Variants in SZT2 observed in about 807,000 individuals in gnomAD.
The protein encoded by SZT2 is KICSTOR complex protein SZT2.
Under a neutral mutation model 404.2 loss-of-function variants are expected in SZT2, and 216 were observed. The observed-to-expected ratio is 0.53, with a 90% confidence interval of 0.48 to 0.60. SZT2 has a LOEUF of 0.60. Ranked by LOEUF, SZT2 falls within the 20% of genes least tolerant of loss-of-function variation. The pLI is 0.00. For synonymous variants in SZT2, 1,693 were observed against 1,749.9 expected, an observed-to-expected ratio of 0.97 and a Z score of 0.81; for missense variants, 3,857 against 4,459.2, an observed-to-expected ratio of 0.86 and a Z score of 3.85.
rs546639047 is a variant in SZT2, at chr1:43,389,947, G to C, written c.-22G>C. The C allele has an allele frequency of 6.8e-7, 1 of 1,464,146 alleles. No individual in the cohort carries two copies. Among genetic ancestry groups the C allele is most frequent in the Admixed American group, 2.4e-5 (1 of 41,048 alleles). The allele number at this position is 1,464,146 out of a possible 1,614,324, so 90.7% of individuals were successfully genotyped here. ...GAGTGGAACACCCTCACTGGCCCGG[G>C]CCGGCGCGGGAGGGCTGTGTGATGG... On this transcript the variant is annotated 5_prime_UTR_variant, in exon 1 of 72. Transcript: ENST00000634258.
chr1:43,403,418 G>A lies in SZT2; in HGVS notation c.153+116G>A, dbSNP rs1649920149. Reference sequence around the variant, plus strand: ...AACTCTTAAGTCTGGTTAGGGCAAGGGACTGCCTACAAGATGATGGAAATT... The same window carrying A: ...AACTCTTAAGTCTGGTTAGGGCAAGAGACTGCCTACAAGATGATGGAAATT... On this transcript the variant is annotated intron_variant, in intron 2 of 71. Coordinates refer to ENST00000634258, the MANE Select transcript of SZT2 (RefSeq NM_001365999.1). 2.1e-6 allele frequency: 3 copies of A among 1,461,172 alleles called. No individual in the cohort carries two copies. In the South Asian group the frequency reaches 4.0e-5, roughly 20 times the overall value. 90.5% of individuals were successfully genotyped at this position (1,461,172 alleles called of 1,614,324 possible).
chr1:43,423,294 C>A lies in SZT2; in HGVS notation c.2233C>A (p.Pro745Thr). ...GCCCTGCCTTGTGGTCCTGCATAAG[C>A]CACTGGACAAACTGCTCATCAGGTT... ...DRPCLVVLHKPLDKLLIRYEK... is the reference protein window; with the variant it reads ...DRPCLVVLHKTLDKLLIRYEK... The change falls in exon 15 of 72, where the codon CCA (proline) becomes ACA (threonine). Residue 745 changes from proline to threonine, a missense_variant. Pro to Thr is a conservative substitution (Grantham distance 38). Coordinates refer to ENST00000634258, the MANE Select transcript of SZT2 (RefSeq NM_001365999.1). 6.5e-7 allele frequency: 1 copy of A among 1,545,500 alleles called. No individual in the cohort carries two copies.
In SZT2 at chr1:43,433,187, C is replaced by T. The variant is rs1245148074; in HGVS notation, c.5801C>T (p.Ala1934Val). 6.2e-7 allele frequency: 1 copy of T among 1,613,268 alleles called. No homozygotes were observed. Among genetic ancestry groups the T allele is most frequent in the Non-Finnish European group, 8.5e-7 (1 of 1,179,960 alleles). ...GACCGTGTGGAAGTGTATGCACATG[C>T]ACGGTAAGTAGAAGCCAGGGCCTGC... ...LQDRVEVYAHARSLIREDGGP... is the reference protein window; with the variant it reads ...LQDRVEVYAHVRSLIREDGGP... Residue 1934 changes from alanine to valine, a missense_variant, in exon 40 of 72, where the codon GCA becomes GTA. By Grantham distance (64) the Ala-to-Val change is moderately conservative. Transcript: ENST00000634258.
intron 4 of SZT2, among the ~76,000 whole-genome samples, chr1:43,407,110 A>G (rs545402577): frequency 1.3e-5 from 2 of 152,306 alleles, no homozygotes; most frequent in East Asian, 1.9e-4. Context: ...AAGCCTGAAT[A>G]AGGACAGCAG....
chr1:43,394,299 C>T (rs1006521339), intron 1 of SZT2, among the ~76,000 whole-genome samples: 1 of 150,442 alleles, frequency 6.6e-6, no homozygotes, highest in Non-Finnish European at 1.5e-5. Flanking sequence ...ACCTCCACCT[C>T]TCAGGTTCAA....
Position 43,427,302 on chromosome 1 carries a change from G to A in SZT2, c.3455G>A (p.Cys1152Tyr), listed in dbSNP as rs142811548. Reference sequence around the variant, plus strand: ...TCAGATGTCCAGCGTCTGGCTGCCTGTGGCCTGGAGGGACCCCCTCAAGAG... The same window carrying A: ...TCAGATGTCCAGCGTCTGGCTGCCTATGGCCTGGAGGGACCCCCTCAAGAG... ...TFSDVQRLAA[C>Y]GLEGPPQEET... Residue 1152 changes from cysteine to tyrosine, a missense_variant, in exon 25 of 72, where the codon TGT becomes TAT. This residue lies in a region of SZT2 where 1,725 missense variants were observed against 1,881.0 expected (regional missense o/e 0.92). Transcript: ENST00000634258. The A allele has an allele frequency of 1.2e-6, 2 of 1,611,246 alleles. No individual in the cohort carries two copies. The highest frequency in any genetic ancestry group is 2.7e-5 in the African/African-American group (2 of 74,936).
Position 43,443,746 on chromosome 1 carries a change from G to A in SZT2, c.8775G>A (p.Gln2925=), listed in dbSNP as rs762236975. The A allele has an allele frequency of 6.2e-7, 1 of 1,614,188 alleles. No individual in the cohort carries two copies. The highest frequency in any genetic ancestry group is 8.5e-7 in the Non-Finnish European group (1 of 1,180,038). ...AFLQQYVQYL[Q]SIGFVLVPLR... ...TGCAGCAATATGTGCAGTATCTGCA[G>A]AGCATAGGTTTTGTGCTGGTACCAC... The change falls in exon 62 of 72, where the codon CAG becomes CAA. Residue 2925 remains glutamine (Q), a synonymous_variant. Transcript: ENST00000634258.
intron 6 of SZT2, 87 bp from the exon 7 acceptor site, chr1:43,416,448 C>A: frequency 9.5e-7 from 1 of 1,050,196 alleles, no homozygotes; most frequent in South Asian, 1.4e-5. Flanking sequence ...AGACACTGAG[C>A]CGTTCAGGAC....
In SZT2 at chr1:43,441,074, C is replaced by G; in HGVS notation, c.7345-140C>G. 1.9e-6 allele frequency: 2 copies of G among 1,060,058 alleles called. No individual in the cohort carries two copies. Among genetic ancestry groups the G allele is most frequent in the Non-Finnish European group, 2.7e-6 (2 of 727,610 alleles). 65.7% of individuals were successfully genotyped at this position (1,060,058 alleles called of 1,614,324 possible). ...GGAAAGTTAGGTAACCTGCCCAAGGCTCCTTAGCCAGCCCCTGGGGAAGCC... is the reference window on the plus strand; with the variant it reads ...GGAAAGTTAGGTAACCTGCCCAAGGGTCCTTAGCCAGCCCCTGGGGAAGCC... On this transcript the variant is annotated intron_variant, in intron 52 of 71. Transcript: ENST00000634258. The surrounding 1 kb of genome is among the most constrained non-coding windows in gnomAD (Gnocchi z 4.8).
intron 8 of SZT2, 48 bp downstream of exon 8, chr1:43,419,992 G>A: frequency 6.3e-7 from 1 of 1,591,654 alleles, no homozygotes; most frequent in Non-Finnish European, 8.5e-7. Context: ...ATATAGAATG[G>A]GCCCAGAGAT....
Position 43,453,722 on chromosome 1 carries a change from C to G in SZT2, c.*3242C>G. On this transcript the variant is annotated 3_prime_UTR_variant, in exon 72 of 72. Transcript: ENST00000634258. ...CGAAGCCCGAGCTGCCCGCGGCCCG[C>G]ACCCGCGCGGGGAGGCCGGAGAGCT... The G allele has an allele frequency of 7.2e-7, 1 of 1,392,648 alleles. No homozygotes were observed. The highest frequency in any genetic ancestry group is 3.7e-5 in the Admixed American group (1 of 26,992). 86.3% of individuals were successfully genotyped at this position (1,392,648 alleles called of 1,614,324 possible).
intron 7 of SZT2, among the ~76,000 whole-genome samples, chr1:43,418,180 G>A (rs1416382503): frequency 1.3e-5 from 2 of 152,158 alleles, no homozygotes; most frequent in Non-Finnish European, 2.9e-5. Context: ...AAATTTGGCT[G>A]TTGAGATAAA....
At position 43,441,181 on chromosome 1, in the gene SZT2, G is replaced by A; in HGVS notation, c.7345-33G>A. On this transcript the variant is annotated intron_variant, in intron 52 of 71. Coordinates refer to ENST00000634258, the MANE Select transcript of SZT2 (RefSeq NM_001365999.1). This position sits in a 1 kb window ranked among gnomAD's most constrained non-coding sequence, Gnocchi z 4.8. ...CCATCCCACACCTTTCCTCTTCCCAGTAGCCCTTCCTCATTCACTGCATTG... is the reference window on the plus strand; with the variant it reads ...CCATCCCACACCTTTCCTCTTCCCAATAGCCCTTCCTCATTCACTGCATTG... The A allele has an allele frequency of 6.2e-7, 1 of 1,606,328 alleles. No individual in the cohort carries two copies. The highest frequency in any genetic ancestry group is 1.1e-5 in the South Asian group (1 of 90,200).
chr1:43,403,790 G>A lies in SZT2; in HGVS notation c.327+16G>A. Reference sequence around the variant, plus strand: ...TGGCATTGTGGTAAAGGATTGAAGGGAGACTGTGGGAAGAAAGGATGGGGT... The same window carrying A: ...TGGCATTGTGGTAAAGGATTGAAGGAAGACTGTGGGAAGAAAGGATGGGGT... On this transcript the variant is annotated intron_variant, in intron 3 of 71. Coordinates refer to ENST00000634258, the MANE Select transcript of SZT2 (RefSeq NM_001365999.1). The A allele has an allele frequency of 6.2e-7, 1 of 1,609,870 alleles. No homozygotes were observed. Among genetic ancestry groups the A allele is most frequent in the South Asian group, 1.1e-5 (1 of 91,026 alleles).
chr1:43,432,922 C>T, intron 39 of SZT2, 67 bp from the exon 40 acceptor site: 2 of 1,597,492 alleles, frequency 1.3e-6, no homozygotes, highest in South Asian at 1.1e-5. Flanking sequence ...AAGCCAGATG[C>T]ACCTGGAGGA....
chr1:43,438,727 A>T lies in SZT2; in HGVS notation c.6537A>T (p.Arg2179=). 1 of 1,614,020 alleles carries T rather than the reference A, an allele frequency of 6.2e-7. No individual in the cohort carries two copies. Among genetic ancestry groups the T allele is most frequent in the South Asian group, 1.1e-5 (1 of 91,068 alleles). Residue 2179 remains arginine, a synonymous_variant, in exon 47 of 72, where the codon CGA becomes CGT. Transcript: ENST00000634258. ...AGPEITDELV[R]VLCRRLDEAT... ...CTGAGATCACGGATGAGCTCGTGCG[A>T]GTTCTATGTCGGCGCCTGGATGAGG...
intron 42 of SZT2, 172 bp from the exon 43 acceptor site, chr1:43,436,999 G>C (rs1230583156): frequency 1.4e-5 from 11 of 767,392 alleles, no homozygotes; most frequent in Non-Finnish European, 2.3e-5. Flanking sequence ...TGTTCCTAAG[G>C]GCATGCATCT....
Position 43,437,622 on chromosome 1 carries a change from G to T in SZT2, c.6318G>T (p.Arg2106=). The change falls in exon 45 of 72, where the codon CGG becomes CGT. Residue 2106 remains arginine (R), a synonymous_variant. Coordinates refer to ENST00000634258, the MANE Select transcript of SZT2 (RefSeq NM_001365999.1). This position sits in a 1 kb window ranked among gnomAD's most constrained non-coding sequence, Gnocchi z 5.3. Reference sequence around the variant, plus strand: ...TCCTAGAGACATCCTGCAGTGACCGGCCATGGAAAGGGGATGCGCTGCCCC... The same window carrying T: ...TCCTAGAGACATCCTGCAGTGACCGTCCATGGAAAGGGGATGCGCTGCCCC... ...LRLLETSCSD[R]PWKGDALPPS... 1.2e-6 allele frequency: 2 copies of T among 1,614,098 alleles called. 1 individual carries two copies. Among genetic ancestry groups the T allele is most frequent in the South Asian group, 2.2e-5 (2 of 91,070 alleles).
chr1:43,422,020 CT>C (rs1652424119), intron 11 of SZT2, 62 bp from the exon 12 acceptor site: 3 of 1,528,076 alleles, frequency 2.0e-6, no homozygotes, highest in Admixed American at 3.6e-5. Flanking sequence ...TTTGTTTGCT[CT>C]TTGGAGTTTG....
Sources: gnomAD v4.1 joint callset for allele counts (sites outside exome capture counted in the v4.1 genomes callset) on GRCh38, gnomAD v4.1.1 for gene constraint, gnomAD v4.1.1 regional missense constraint, Gnocchi (gnomAD v3.1) non-coding constraint, MANE v1.5 for transcripts, NCBI Gene and HGNC (gene_info 2026-07-23, HGNC 2026-07-21) for gene names.